Variants in C12orf76 observed in about 807,000 individuals in gnomAD.
C12orf76 encodes the protein uncharacterized protein C12orf76.
A neutral mutation model predicts 6.8 loss-of-function variants in C12orf76; 6 were observed. The ratio of observed to expected loss-of-function variants is 0.88; its 90% confidence interval spans 0.48 to 1.73. The LOEUF is 1.73. C12orf76 is among the 40% of genes most tolerant of loss of function. The probability of loss-of-function intolerance (pLI) is 0.01; values close to 1 mark genes in which losing one functional copy is unlikely to be tolerated. For synonymous variants in C12orf76, 56 were observed against 43.7 expected, an observed-to-expected ratio of 1.28 and a Z score of -1.11; for missense variants, 99 against 98.2, an observed-to-expected ratio of 1.01 and a Z score of -0.03.
chr12:110,048,607 C>T (rs980557926), upstream of C12orf76: 2 of 1,313,426 alleles, frequency 1.5e-6, no homozygotes, highest in Non-Finnish European at 1.9e-6. Flanking sequence ...GCGTCATTGC[C>T]ATGGTAACTG....
At chr12:110,058,228 C>T (rs1337206773) in intron 3 of C12orf76, among the ~76,000 whole-genome samples, 1 of 152,070 alleles carries the variant, frequency 6.6e-6, no homozygotes, top group Non-Finnish European at 1.5e-5. Context: ...AGGCTGCAGG[C>T]TGTTTTGTAA....
chr12:110,048,736 G>T, upstream of C12orf76: 1 of 1,104,700 alleles, frequency 9.1e-7, no homozygotes, highest in Non-Finnish European at 1.1e-6. Flanking sequence ...CTGTGCCAAC[G>T]TTCGCCGCGA....
At chr12:110,062,374 G>A (rs2137234805) in intron 2 of C12orf76, among the ~76,000 whole-genome samples, 1 of 152,286 alleles carries the variant, frequency 6.6e-6, no homozygotes, top group African/African-American at 2.4e-5. Flanking sequence ...CAAATCTATA[G>A]AGGCATAGAG....
chr12:110,056,872 T>G, intron 4 of C12orf76: 1 of 255,356 alleles, frequency 3.9e-6, no homozygotes, highest in East Asian at 9.5e-5. Context: ...ACCATGATTG[T>G]GAGGCCTTCC....
At chr12:110,064,886 C>G (rs1010694752) in intron 2 of C12orf76, among the ~76,000 whole-genome samples, 1 of 152,178 alleles carries the variant, frequency 6.6e-6, no homozygotes, top group Non-Finnish European at 1.5e-5. Context: ...CCTGTGGGTG[C>G]AGGAGAGAAG....
Position 110,065,159 on chromosome 12 carries a change from C to CAT in C12orf76, n.380+699_380+700dup, listed in dbSNP as rs373717603. On this transcript the variant is annotated intron_variant and non_coding_transcript_variant, in intron 2 of 4. Coordinates refer to the C12orf76 transcript ENST00000309050. ...ATATATGTGTGTGTGTGTATATGTG[C>CAT]ATATATATATATACACATTTTTTTT... Among the ~76,000 whole-genome samples, 1,467 of 149,522 alleles carry CAT rather than the reference C, an allele frequency of 9.8e-3. 20 individuals are homozygous for CAT. The highest frequency in any genetic ancestry group is 0.073 in the East Asian group (374 of 5,120).
Position 110,042,378 on chromosome 12 carries a change from C to G in C12orf76, c.215G>C (p.Arg72Pro). Residue 72 changes from arginine to proline, a missense_variant, in exon 2 of 2, where the codon CGG (arginine) becomes CCG (proline). By Grantham distance (103) the Arg-to-Pro change is moderately radical. Transcript: ENST00000615315. ...ATTGAAGAACTTGTCTGGCTGTCAC[C>G]GACGCCGAATGGGCTTGTAGACACA... ...AFCVYKPIRR[R>P] 6.2e-7 allele frequency: 1 copy of G among 1,613,530 alleles called. No individual in the cohort carries two copies.
At chr12:110,047,162 A>T (rs1405775535) in intron 1 of C12orf76, among the ~76,000 whole-genome samples, 1 of 152,122 alleles carries the variant, frequency 6.6e-6, no homozygotes, top group Non-Finnish European at 1.5e-5. Context: ...GACTTTGGCG[A>T]GGGGCAGATT....
chr12:110,046,223 C>G (rs1050573047), intron 1 of C12orf76, among the ~76,000 whole-genome samples: 2 of 151,998 alleles, frequency 1.3e-5, no homozygotes. Flanking sequence ...GTCAAGAGAT[C>G]GAGACCATCC....
chr12:110,064,789 T>A (rs1276948029), intron 2 of C12orf76, among the ~76,000 whole-genome samples: 4 of 152,126 alleles, frequency 2.6e-5, no homozygotes, highest in Middle Eastern at 3.4e-3. Flanking sequence ...TGCTCCTTCC[T>A]CTTCTCAACA....
chr12:110,069,630 G>C (rs1223377902), upstream of C12orf76, among the ~76,000 whole-genome samples: 1 of 152,206 alleles, frequency 6.6e-6, no homozygotes, highest in Non-Finnish European at 1.5e-5. Context: ...GCTTATTTTA[G>C]GGGTCATGTG....
At chr12:110,068,691 A>G (rs1434133381), upstream of C12orf76, among the ~76,000 whole-genome samples, 3 of 152,182 alleles carry the variant, frequency 2.0e-5, no homozygotes, top group African/African-American at 7.2e-5. Context: ...ACCAGTCCCC[A>G]GTTTCTATCC....
chr12:110,065,805 ATTCCAACTC>A, intron 2 of C12orf76: 2 of 1,613,964 alleles, frequency 1.2e-6, no homozygotes, highest in Non-Finnish European at 1.7e-6. Flanking sequence ...TGAAAATCAA[ATTCCAACTC>A]TTCCCCTGTC....
chr12:110,067,666 G>T, exon 1 of C12orf76: 1 of 698,388 alleles, frequency 1.4e-6, no homozygotes, highest in Non-Finnish European at 1.8e-6. Context: ...GTGAGCCACT[G>T]CACCCGGCCG....
chr12:110,059,570 A>G (rs1892734413), intron 2 of C12orf76, among the ~76,000 whole-genome samples: 1 of 152,246 alleles, frequency 6.6e-6, no homozygotes, highest in African/African-American at 2.4e-5. Flanking sequence ...CATTAAGTCT[A>G]TACAGGACTT....
chr12:110,042,750 G>A (rs1201567821), intron 1 of C12orf76: 16 of 614,652 alleles, frequency 2.6e-5, no homozygotes, highest in South Asian at 3.8e-5. Context: ...GGAAGCATCC[G>A]AGGAGGAGAC....
Position 110,042,253 on chromosome 12 carries a change from C to A in C12orf76, c.*121G>T. 1 of 734,022 alleles carries A rather than the reference C, an allele frequency of 1.4e-6. No individual in the cohort carries two copies. Among genetic ancestry groups the A allele is most frequent in the South Asian group, 1.5e-5 (1 of 66,328 alleles). The allele number at this position is 734,022 out of a possible 1,614,324, so 45.5% of individuals were successfully genotyped here. On this transcript the variant is annotated 3_prime_UTR_variant, in exon 2 of 2. Transcript: ENST00000615315. ...TTCTTCTAATTCATTTAGCATTTAC[C>A]AACTGTCCAGACCAAAGGTCATTTC... is the stretch of plus-strand genomic sequence containing the variant.
At chr12:110,049,566 G>C (rs976602717), upstream of C12orf76, 1 of 152,186 alleles carries the variant, frequency 6.6e-6, no homozygotes, top group African/African-American at 2.4e-5. Context: ...AAGGTTGGGG[G>C]AGATTACAAA....
intron 1 of C12orf76, among the ~76,000 whole-genome samples, chr12:110,043,485 G>C (rs1892369932): frequency 6.6e-6 from 1 of 152,148 alleles, no homozygotes; most frequent in Non-Finnish European, 1.5e-5. Context: ...AAAACCTGGA[G>C]ATTCAATAAA....
Sources: allele counts gnomAD v4.1 joint callset (sites outside exome capture counted in the v4.1 genomes callset), GRCh38; gene constraint gnomAD v4.1.1; transcripts MANE v1.5; gene names NCBI Gene and HGNC (gene_info 2026-07-23, HGNC 2026-07-21).